The following APPBP2 variants were observed in gnomAD, a reference collection of about 807,000 sequenced individuals.
The protein encoded by APPBP2 is amyloid beta precursor protein binding protein 2.
In APPBP2, 15 loss-of-function variants were observed where a neutral mutation model predicts 76.0. The observed-to-expected ratio is 0.20, with a 90% CI of 0.13 to 0.30. The LOEUF (loss-of-function observed/expected upper bound fraction) is 0.30. APPBP2 is among the 10% of genes least tolerant of loss of function. APPBP2 has a pLI of 1.00. For synonymous variants in APPBP2, 222 were observed against 242.2 expected (o/e 0.92, Z 0.77); for missense variants, 401 against 687.2 (o/e 0.58, Z 4.66).
intron 1 of APPBP2, among the ~76,000 whole-genome samples, chr17:60,516,260 T>C (rs933397335): frequency 1.3e-5 from 2 of 152,170 alleles, no homozygotes; most frequent in Non-Finnish European, 2.9e-5. Context: ...CAGTGCCCAA[T>C]AAACAAACAT....
chr17:60,508,268 T>C (rs919743095), intron 1 of APPBP2, among the ~76,000 whole-genome samples: 4 of 152,124 alleles, frequency 2.6e-5, no homozygotes, highest in Non-Finnish European at 5.9e-5. Flanking sequence ...AGATAAAATA[T>C]CCACTCCAAG....
intron 1 of APPBP2, among the ~76,000 whole-genome samples, chr17:60,522,493 T>TAG (rs1036988728): frequency 7.2e-5 from 11 of 152,066 alleles, no homozygotes; most frequent in Non-Finnish European, 1.3e-4. Flanking sequence ...CTGGATAACT[T>TAG]TTTCTACTTT....
rs1193302227 is a variant in APPBP2 at position 60,444,188 on chromosome 17, C to T, written c.*3393G>A. 1.3e-5 allele frequency: 2 copies of T among 151,104 alleles called. No individual in the cohort carries two copies. Among genetic ancestry groups the T allele is most frequent in the African/African-American group, 4.9e-5 (2 of 40,796 alleles). 9.4% of individuals were successfully genotyped at this position (151,104 alleles called of 1,614,324 possible). A position where few individuals can be genotyped will look rare whatever the true frequency, so the allele number is the denominator to read the frequency against. On this transcript the variant is annotated 3_prime_UTR_variant, in exon 13 of 13. Transcript: ENST00000083182. ...TCCTCCACAGCCAAGAGGTGAAGTA[C>T]ACATCCACTTCTAAAGCAAAGATAA...
Position 60,526,015 on chromosome 17 carries a change from C to T in APPBP2, c.-84G>A. On this transcript the variant is annotated 5_prime_UTR_variant, in exon 1 of 13. Transcript: ENST00000083182. The stretch of plus-strand genomic sequence containing the variant: ...TCCGTAGCGAACCCCTCTGCGGCCC[C>T]GGAGGATTCGGAGGGGCGGTGGCAG... The T allele has an allele frequency of 7.4e-7, 1 of 1,342,536 alleles. No individual in the cohort carries two copies. Among genetic ancestry groups the T allele is most frequent in the Non-Finnish European group, 1.0e-6 (1 of 988,912 alleles). 83.2% of individuals were successfully genotyped at this position (1,342,536 alleles called of 1,614,324 possible).
At chr17:60,489,869 T>C (rs1437072028) in intron 3 of APPBP2, among the ~76,000 whole-genome samples, 1 of 152,052 alleles carries the variant, frequency 6.6e-6, no homozygotes, top group East Asian at 1.9e-4. Flanking sequence ...ACCCCGTCTC[T>C]ACTAAAAATA....
intron 4 of APPBP2, 50 bp downstream of exon 4, chr17:60,479,098 G>A (rs935217182): frequency 6.4e-7 from 1 of 1,560,966 alleles, no homozygotes; most frequent in African/African-American, 1.4e-5. Context: ...AACTATAAAA[G>A]CCACTAAATA....
At chr17:60,504,429 A>G (rs1362153590) in intron 1 of APPBP2, among the ~76,000 whole-genome samples, 1 of 152,234 alleles carries the variant, frequency 6.6e-6, no homozygotes, top group Non-Finnish European at 1.5e-5. Flanking sequence ...CACTGAGGAA[A>G]GAAAAAAATT....
At chr17:60,452,701 G>A (rs2143290329) in intron 11 of APPBP2, among the ~76,000 whole-genome samples, 1 of 152,236 alleles carries the variant, frequency 6.6e-6, no homozygotes. Context: ...CAGGCAGATT[G>A]CTTGAGCCCA....
chr17:60,513,397 C>T (rs2090935132), intron 1 of APPBP2: 1 of 670,968 alleles, frequency 1.5e-6, no homozygotes, highest in Non-Finnish European at 2.8e-6. Flanking sequence ...GCCAAGAATG[C>T]TTGTGATCAC....
chr17:60,518,023 T>C (rs1318294321), intron 1 of APPBP2, among the ~76,000 whole-genome samples: 2 of 151,970 alleles, frequency 1.3e-5, no homozygotes, highest in African/African-American at 4.8e-5. Flanking sequence ...ATCTGTCAAA[T>C]GCTGTCATCT....
At chr17:60,466,625 G>C (rs1032041233) in intron 4 of APPBP2, among the ~76,000 whole-genome samples, 166 bp from the exon 5 acceptor site, 1 of 152,130 alleles carries the variant, frequency 6.6e-6, no homozygotes, top group African/African-American at 2.4e-5. Context: ...TGCCCATAAA[G>C]AAGTACATGC....
intron 12 of APPBP2, among the ~76,000 whole-genome samples, chr17:60,450,634 CG>C (rs2090387630): frequency 6.6e-6 from 1 of 150,820 alleles, no homozygotes; most frequent in South Asian, 2.1e-4. Flanking sequence ...AAAAATTAGC[CG>C]GGTGTGCTGG....
intron 9 of APPBP2, among the ~76,000 whole-genome samples, chr17:60,459,012 C>A (rs2143310946): frequency 6.6e-6 from 1 of 152,196 alleles, no homozygotes; most frequent in South Asian, 2.1e-4. Flanking sequence ...ACCTCGTGAT[C>A]TGCCCGCTTC....
chr17:60,518,527 T>TGTGTGTGTGTGTGTGTGTGA (rs1228556905), intron 1 of APPBP2, among the ~76,000 whole-genome samples: 1 of 151,166 alleles, frequency 6.6e-6, no homozygotes, highest in African/African-American at 2.5e-5. Flanking sequence ...TGTGTGTGTG[T>TGTGTGTGTGTGTGTGTGTGA]GAAAGAGAGA....
chr17:60,478,001 TAAAAAAAAACCC>T (rs1201517707), intron 4 of APPBP2, among the ~76,000 whole-genome samples: 2 of 150,428 alleles, frequency 1.3e-5, no homozygotes, highest in Middle Eastern at 6.4e-3. Context: ...AAAATATATT[TAAAAAAAAACCC>T]AAAACAAAAA....
intron 9 of APPBP2, among the ~76,000 whole-genome samples, 200 bp from the exon 10 acceptor site, chr17:60,456,581 C>T (rs920789299): frequency 1.3e-5 from 2 of 152,166 alleles, no homozygotes; most frequent in African/African-American, 4.8e-5. Context: ...CCATTTCCCT[C>T]AGAATGAGAG....
At chr17:60,460,978 T>G (rs1435024845) in intron 8 of APPBP2, 191 bp from the exon 9 acceptor site, 1 of 374,668 alleles carries the variant, frequency 2.7e-6, no homozygotes, top group Non-Finnish European at 4.7e-6. Flanking sequence ...AGATACGAGT[T>G]TGACTTAAAA....
At chr17:60,474,046 A>G (rs1053934492) in intron 4 of APPBP2, among the ~76,000 whole-genome samples, 4 of 152,238 alleles carry the variant, frequency 2.6e-5, no homozygotes, top group Admixed American at 6.5e-5. Context: ...CAGGATCTCC[A>G]GAACTGAATT....
intron 12 of APPBP2, among the ~76,000 whole-genome samples, chr17:60,449,409 C>G (rs1015546523): frequency 6.6e-6 from 1 of 152,122 alleles, no homozygotes; most frequent in South Asian, 2.1e-4. Context: ...CTGGCCAACA[C>G]GGCAAAACCT....
Sources: gnomAD v4.1 joint callset for allele counts (sites outside exome capture counted in the v4.1 genomes callset) on GRCh38, gnomAD v4.1.1 for gene constraint, MANE v1.5 for transcripts, NCBI Gene and HGNC (gene_info 2026-07-23, HGNC 2026-07-21) for gene names.